ASCC3: variants seen among roughly 807,000 people sequenced by gnomAD.
ASCC3 encodes ASC-1 complex subunit P200.
A neutral mutation model predicts 256.3 loss-of-function variants in ASCC3; 158 were observed. That is an observed-to-expected ratio of 0.62 (90% CI 0.54 to 0.70). The LOEUF (loss-of-function observed/expected upper bound fraction) is 0.70. ASCC3 is among the 30% of genes least tolerant of loss of function. The pLI is 0.00. For synonymous variants in ASCC3, 948 were observed against 883.4 expected, an observed-to-expected ratio of 1.07 and a Z score of -1.30; for missense variants, 2,259 against 2,626.0, an observed-to-expected ratio of 0.86 and a Z score of 3.05.
chr6:100,593,161 C>T (rs1033566878), intron 34 of ASCC3, among the ~76,000 whole-genome samples: 12 of 151,994 alleles, frequency 7.9e-5, no homozygotes, highest in Non-Finnish European at 1.2e-4. Context: ...TTCTAATAGC[C>T]AGAAGCGTAC....
chr6:100,508,994 A>G lies in ASCC3; in HGVS notation c.*392T>C. ...GCGGCAGAGTTAGAAATCTGTGACA[A>G]GTCCTAACACTTGTCACATCTCAAT... On this transcript the variant is annotated 3_prime_UTR_variant, in exon 42 of 42. Transcript: ENST00000369162. 4 of 229,122 alleles carry G rather than the reference A, an allele frequency of 1.7e-5. No individual in the cohort carries two copies. The highest frequency in any genetic ancestry group is 3.5e-5 in the Non-Finnish European group (4 of 115,118). The allele number at this position is 229,122 out of a possible 1,614,324, so 14.2% of individuals were successfully genotyped here. A position where few individuals can be genotyped will look rare whatever the true frequency, so the allele number is the denominator to read the frequency against.
intron 36 of ASCC3, among the ~76,000 whole-genome samples, chr6:100,564,061 C>A (rs1266295318): frequency 6.6e-6 from 1 of 151,230 alleles, no homozygotes; most frequent in Non-Finnish European, 1.5e-5. Flanking sequence ...TAAAAAAAAT[C>A]CTTGTTTTTT....
At chr6:100,838,654 G>A (rs1285538915) in intron 4 of ASCC3, among the ~76,000 whole-genome samples, 1 of 152,008 alleles carries the variant, frequency 6.6e-6, no homozygotes, top group East Asian at 1.9e-4. Context: ...CTTGGAATGT[G>A]AACACTATTT....
intron 36 of ASCC3, among the ~76,000 whole-genome samples, chr6:100,578,932 A>T (rs1303717879): frequency 6.6e-6 from 1 of 152,072 alleles, no homozygotes; most frequent in East Asian, 1.9e-4. Context: ...CGACTGATTT[A>T]CATTTCTACT....
intron 36 of ASCC3, among the ~76,000 whole-genome samples, chr6:100,567,710 T>A (rs1257723252): frequency 1.3e-5 from 2 of 152,230 alleles, no homozygotes; most frequent in Non-Finnish European, 2.9e-5. Context: ...GCATCCATGT[T>A]GTTGCAAAGG....
At chr6:100,711,245 C>T (rs1582738350) in intron 13 of ASCC3, among the ~76,000 whole-genome samples, 1 of 152,168 alleles carries the variant, frequency 6.6e-6, no homozygotes, top group South Asian at 2.1e-4. Context: ...CTATTAGTGG[C>T]CTCTTAAGAT....
chr6:100,868,838 C>T (rs184640061), intron 1 of ASCC3, among the ~76,000 whole-genome samples: 4 of 152,074 alleles, frequency 2.6e-5, no homozygotes, highest in East Asian at 3.9e-4. Flanking sequence ...AAGAACATAC[C>T]GGGAAAGAGA....
intron 16 of ASCC3, among the ~76,000 whole-genome samples, chr6:100,656,065 C>T (rs1223578042): frequency 2.6e-5 from 4 of 151,490 alleles, no homozygotes; most frequent in Admixed American, 2.0e-4. Context: ...TTATGGCAGA[C>T]AATTATTTTT....
intron 4 of ASCC3, among the ~76,000 whole-genome samples, chr6:100,836,949 A>G (rs928767253): frequency 3.9e-5 from 6 of 152,094 alleles, no homozygotes; most frequent in African/African-American, 1.4e-4. Context: ...CTGGTTCTTC[A>G]TGATTCAATT....
chr6:100,723,357 A>T (rs375278496), intron 11 of ASCC3, among the ~76,000 whole-genome samples: 2 of 151,734 alleles, frequency 1.3e-5, no homozygotes, highest in East Asian at 3.9e-4. Flanking sequence ...AATGTGACAT[A>T]GGTTTCATTT....
At chr6:100,840,399 C>G (rs971016811) in intron 4 of ASCC3, among the ~76,000 whole-genome samples, 3 of 151,670 alleles carry the variant, frequency 2.0e-5, no homozygotes, top group Non-Finnish European at 4.4e-5. Flanking sequence ...ATGGTCATGA[C>G]TCACTAAAGC....
intron 1 of ASCC3, among the ~76,000 whole-genome samples, chr6:100,874,348 C>G (rs554386527): frequency 6.6e-6 from 1 of 151,672 alleles, no homozygotes; most frequent in African/African-American, 2.4e-5. Context: ...CACCTGTAGT[C>G]CCAGCTACTA....
At chr6:100,820,315 G>C (rs963616250) in intron 4 of ASCC3, among the ~76,000 whole-genome samples, 23 of 152,008 alleles carry the variant, frequency 1.5e-4, no homozygotes, top group African/African-American at 5.6e-4. Context: ...ACAGAATAGA[G>C]AGTCCAGAAA....
At chr6:100,853,709 T>C (rs2114518850) in intron 3 of ASCC3, among the ~76,000 whole-genome samples, 1 of 152,272 alleles carries the variant, frequency 6.6e-6, no homozygotes, top group Middle Eastern at 3.4e-3. Flanking sequence ...GTGATCCACC[T>C]ATCTTGGCCT....
intron 34 of ASCC3, among the ~76,000 whole-genome samples, chr6:100,599,872 G>C (rs746568410): frequency 8.5e-5 from 13 of 152,072 alleles, no homozygotes; most frequent in Non-Finnish European, 1.9e-4. Flanking sequence ...GCAACTGACA[G>C]AGAGTCCAGA....
intron 13 of ASCC3, among the ~76,000 whole-genome samples, chr6:100,713,048 A>G (rs116060882): frequency 0.029 from 4,362 of 152,124 alleles, 166 homozygotes; most frequent in East Asian, 0.15. Context: ...ATGAGCCACC[A>G]TGCCCAGCGC....
chr6:100,718,187 T>A lies in ASCC3; in HGVS notation c.1967A>T (p.Asp656Val). The change falls in exon 12 of 42, where the codon GAT (aspartate) becomes GTT (valine). Residue 656 changes from aspartate (D) to valine (V), a missense_variant. Transcript: ENST00000369162. ...GLSATLPNYL[D>V]VATFLHVNPY... Reference sequence around the variant, plus strand: ...ATTAACATGTAAAAATGTGGCAACATCGAGGTAGTTAGGTAAAGTTGCAGA... The same window carrying A: ...ATTAACATGTAAAAATGTGGCAACAACGAGGTAGTTAGGTAAAGTTGCAGA... The A allele has an allele frequency of 1.9e-6, 3 of 1,613,572 alleles. No homozygotes were observed. The highest frequency in any genetic ancestry group is 2.5e-6 in the Non-Finnish European group (3 of 1,179,664).
chr6:100,594,240 GTC>G (rs1287005992), intron 34 of ASCC3, among the ~76,000 whole-genome samples: 1 of 151,976 alleles, frequency 6.6e-6, no homozygotes, highest in African/African-American at 2.4e-5. Flanking sequence ...GTAAACCTCA[GTC>G]TCTTTGTTAT....
intron 36 of ASCC3, among the ~76,000 whole-genome samples, chr6:100,550,622 T>G (rs981138027): frequency 6.6e-6 from 1 of 151,972 alleles, no homozygotes; most frequent in South Asian, 2.1e-4. Flanking sequence ...TACTCGACCA[T>G]GCTTGCACTT....
Sources: allele counts gnomAD v4.1 joint callset (sites outside exome capture counted in the v4.1 genomes callset), GRCh38; gene constraint gnomAD v4.1.1; transcripts MANE v1.5; gene names NCBI Gene and HGNC (gene_info 2026-07-23, HGNC 2026-07-21).